PXDNL: variants seen among roughly 807,000 people sequenced by gnomAD.
PXDNL encodes the protein peroxidasin like.
In PXDNL, 145 loss-of-function variants were observed where a neutral mutation model predicts 150.8. The observed-to-expected ratio is 0.96, with a 90% confidence interval of 0.84 to 1.10. The LOEUF is 1.10. PXDNL is among the 50% of genes least tolerant of loss of function. The probability of loss-of-function intolerance (pLI) is 0.00; values close to 1 mark genes in which losing one functional copy is unlikely to be tolerated. For synonymous variants in PXDNL, 757 were observed against 725.7 expected (o/e 1.04, Z -0.69); for missense variants, 2,087 against 1,873.9 (o/e 1.11, Z -2.10).
chr8:51,511,732 A>C (rs1811424238), intron 4 of PXDNL, among the ~76,000 whole-genome samples: 1 of 151,666 alleles, frequency 6.6e-6, no homozygotes, highest in Non-Finnish European at 1.5e-5. Flanking sequence ...AATCAAATGC[A>C]CTCCCCCCTT....
At chr8:51,647,402 T>G (rs979433062) in intron 2 of PXDNL, among the ~76,000 whole-genome samples, 7 of 152,218 alleles carry the variant, frequency 4.6e-5, no homozygotes, top group African/African-American at 1.4e-4. Context: ...TGATGGTAAT[T>G]GTGCTGCTGA....
intron 1 of PXDNL, among the ~76,000 whole-genome samples, chr8:51,667,087 A>G (rs1030299193): frequency 4.6e-5 from 7 of 152,138 alleles, no homozygotes; most frequent in African/African-American, 7.2e-5. Context: ...TCTTTCTAGA[A>G]TTCCTTCTCA....
At chr8:51,534,850 A>G (rs1158155402) in intron 4 of PXDNL, among the ~76,000 whole-genome samples, 25 of 50,292 alleles carry the variant, frequency 5.0e-4, no homozygotes, top group East Asian at 6.9e-4. Flanking sequence ...AGGTGGGGGG[A>G]TCAGCCCCCC....
At chr8:51,393,140 G>T (rs1650894672) in intron 17 of PXDNL, among the ~76,000 whole-genome samples, 1 of 152,096 alleles carries the variant, frequency 6.6e-6, no homozygotes. Context: ...AGAAAGACAG[G>T]TTTCCACCTT....
Position 51,449,004 on chromosome 8 carries a change from G to C in PXDNL, c.1364C>G (p.Thr455Arg). 1.3e-6 allele frequency: 2 copies of C among 1,516,320 alleles called. No individual in the cohort carries two copies. The highest frequency in any genetic ancestry group is 1.8e-6 in the Non-Finnish European group (2 of 1,114,788). The allele number at this position is 1,516,320 out of a possible 1,614,324, so 93.9% of individuals were successfully genotyped here. ...ATTACCTGCAGATGTTCTAATACCT[G>C]TTTTTGTCCAGACAATAACAGGAGG... ...NPPPVIVWTK[T>R]GGQLPVEGQH... is the part of the protein sequence containing the mutation. The change falls in exon 11 of 23, where the codon ACA becomes AGA. Residue 455 changes from threonine (T) to arginine (R), a missense_variant and splice_region_variant. Physicochemically the swap from Thr to Arg is moderately conservative, Grantham distance 71 (BLOSUM62 -1). Transcript: ENST00000356297.
chr8:51,779,341 C>T (rs1175730352), intron 1 of PXDNL, among the ~76,000 whole-genome samples: 2 of 152,160 alleles, frequency 1.3e-5, no homozygotes, highest in African/African-American at 2.4e-5. Flanking sequence ...CTGTGGGCAC[C>T]TATGTGAGTT....
intron 1 of PXDNL, among the ~76,000 whole-genome samples, chr8:51,658,067 G>T (rs1002960998): frequency 1.3e-5 from 2 of 152,072 alleles, no homozygotes; most frequent in Non-Finnish European, 2.9e-5. Flanking sequence ...GGCTGGGCTG[G>T]GTGCAGTAGC....
intron 19 of PXDNL, among the ~76,000 whole-genome samples, chr8:51,352,491 GT>G (rs1435471969): frequency 2.0e-5 from 3 of 152,114 alleles, no homozygotes; most frequent in African/African-American, 7.2e-5. Flanking sequence ...CATGAGGGTG[GT>G]TTCCCCCATG....
intron 1 of PXDNL, among the ~76,000 whole-genome samples, chr8:51,754,443 T>C (rs2037078140): frequency 6.6e-6 from 1 of 151,682 alleles, no homozygotes; most frequent in Non-Finnish European, 1.5e-5. Flanking sequence ...GGCTTCTGGC[T>C]GAAGGTAATA....
intron 4 of PXDNL, among the ~76,000 whole-genome samples, chr8:51,521,536 TAAAAAC>T (rs1811664620): frequency 6.6e-6 from 1 of 152,014 alleles, no homozygotes; most frequent in African/African-American, 2.4e-5. Context: ...TGTACCTAGT[TAAAAAC>T]AGAAACTGGC....
chr8:51,440,432 TA>T (rs890433930), intron 12 of PXDNL, among the ~76,000 whole-genome samples: 2 of 124,606 alleles, frequency 1.6e-5, no homozygotes, highest in African/African-American at 3.0e-5. Flanking sequence ...TACTGAAATT[TA>T]AAAAAATCCA....
At chr8:51,645,301 G>A (rs1235283723) in intron 2 of PXDNL, among the ~76,000 whole-genome samples, 1 of 152,074 alleles carries the variant, frequency 6.6e-6, no homozygotes, top group Non-Finnish European at 1.5e-5. Flanking sequence ...ACCAATTCAT[G>A]CTTATCTCTT....
intron 2 of PXDNL, among the ~76,000 whole-genome samples, chr8:51,639,731 A>T (rs1381263364): frequency 6.6e-6 from 1 of 152,122 alleles, no homozygotes; most frequent in East Asian, 1.9e-4. Context: ...AACCAAAAAG[A>T]GTCCAGGACC....
chr8:51,406,070 C>T (rs891694758), intron 17 of PXDNL, among the ~76,000 whole-genome samples: 2 of 152,174 alleles, frequency 1.3e-5, no homozygotes, highest in Admixed American at 6.5e-5. Flanking sequence ...TGGACAGTGG[C>T]CGACAGTGGA....
intron 19 of PXDNL, among the ~76,000 whole-genome samples, chr8:51,368,803 C>T (rs1466494976): frequency 6.6e-6 from 1 of 152,010 alleles, no homozygotes; most frequent in Non-Finnish European, 1.5e-5. Context: ...CAAGACCAGC[C>T]TGGCCAACAT....
chr8:51,437,873 T>C (rs1180504525), intron 12 of PXDNL, among the ~76,000 whole-genome samples: 1 of 152,190 alleles, frequency 6.6e-6, no homozygotes, highest in East Asian at 1.9e-4. Flanking sequence ...TCAAACTCAC[T>C]GTTTGCTGAT....
chr8:51,715,742 G>A (rs112724724), intron 1 of PXDNL, among the ~76,000 whole-genome samples: 86 of 152,232 alleles, frequency 5.6e-4, no homozygotes, highest in African/African-American at 1.8e-3. Flanking sequence ...ATGGTGCGGA[G>A]GTACCAGGTG....
In PXDNL at chr8:51,725,891, C is replaced by G. The variant is rs116369216; in HGVS notation, c.165-71131G>C. 3.6e-3 allele frequency among the ~76,000 whole-genome samples: 546 copies of G among 152,294 alleles called. 5 individuals carry two copies. Among genetic ancestry groups the G allele is most frequent in the African/African-American group, 0.012 (518 of 41,556 alleles). The stretch of plus-strand genomic sequence containing the variant: ...TTTATGGGCCCTAATTTTTCAAAAA[C>G]TTTGCTTCATTAGGCTTAAGTGTGA... On this transcript the variant is annotated intron_variant, in intron 1 of 22. Transcript: ENST00000356297.
At chr8:51,440,986 C>T (rs1420112030) in intron 12 of PXDNL, among the ~76,000 whole-genome samples, 1 of 152,140 alleles carries the variant, frequency 6.6e-6, no homozygotes, top group African/African-American at 2.4e-5. Context: ...GGGGAAGAGA[C>T]TTCATATGGT....
Sources: gnomAD v4.1 joint callset for allele counts (sites outside exome capture counted in the v4.1 genomes callset) on GRCh38, gnomAD v4.1.1 for gene constraint, MANE v1.5 for transcripts, NCBI Gene and HGNC (gene_info 2026-07-23, HGNC 2026-07-21) for gene names.